Variants in RGS17 observed in about 807,000 individuals in gnomAD.
RGS17 encodes the protein regulator of G-protein signaling 17.
In RGS17, 12 loss-of-function variants were observed where a neutral mutation model predicts 25.5. The ratio of observed to expected loss-of-function variants is 0.47; its 90% CI spans 0.30 to 0.76. RGS17 has a LOEUF of 0.76. Among genes scored for constraint, RGS17 ranks in the 30% least tolerant of loss-of-function variants. RGS17 has a pLI of 0.07. For missense variants in RGS17, 196 were observed against 242.2 expected (o/e 0.81, Z 1.27); for synonymous variants, 71 against 76.9 (o/e 0.92, Z 0.40).
intron 1 of RGS17, among the ~76,000 whole-genome samples, chr6:153,085,038 T>A (rs1376014025): frequency 6.6e-6 from 1 of 152,216 alleles, no homozygotes; most frequent in African/African-American, 2.4e-5. Flanking sequence ...GCTTTAAAAC[T>A]GTGTTTTAAT....
At chr6:153,101,074 G>A (rs1034898309) in intron 1 of RGS17, among the ~76,000 whole-genome samples, 1 of 152,060 alleles carries the variant, frequency 6.6e-6, no homozygotes, top group African/African-American at 2.4e-5. Context: ...TTTGGCTATC[G>A]TATTGCTTTT....
chr6:153,078,271 T>C (rs1324299734), intron 1 of RGS17, among the ~76,000 whole-genome samples: 1 of 152,200 alleles, frequency 6.6e-6, no homozygotes, highest in Non-Finnish European at 1.5e-5. Context: ...ATGCTTTGCA[T>C]TTCTGTATAC....
Position 153,011,301 on chromosome 6 carries a change from T to C in RGS17, c.*273A>G. ...AGTCTCTGGAGATACACGAGGAGACTGTTCATAGGACTACAAATACACTTT... is the reference window on the plus strand; with the variant it reads ...AGTCTCTGGAGATACACGAGGAGACCGTTCATAGGACTACAAATACACTTT... On this transcript the variant is annotated 3_prime_UTR_variant, in exon 5 of 5. Transcript: ENST00000206262. The C allele has an allele frequency of 2.9e-6, 1 of 343,490 alleles. No individual in the cohort carries two copies. Among genetic ancestry groups the C allele is most frequent in the Non-Finnish European group, 5.3e-6 (1 of 189,996 alleles). The allele number at this position is 343,490 out of a possible 1,614,324, so 21.3% of individuals were successfully genotyped here. A position where few individuals can be genotyped will look rare whatever the true frequency, so the allele number is the denominator to read the frequency against.
rs569826675 is a variant in RGS17 at position 153,098,902 on chromosome 6, T to G, written c.-26+32222A>C. Among the ~76,000 whole-genome samples the G allele has an allele frequency of 7.0e-4, 107 of 152,128 alleles. 1 individual carries two copies. Among genetic ancestry groups the G allele is most frequent in the African/African-American group, 2.5e-3 (103 of 41,502 alleles). On this transcript the variant is annotated intron_variant, in intron 1 of 4. Transcript: ENST00000206262. ...AACTACACCTGGTGCATTGATGGAG[T>G]AAAAGAGAAGGAACCGACAAAAATA...
At chr6:153,012,133 G>A (rs1159440728) in intron 4 of RGS17, among the ~76,000 whole-genome samples, 4 of 152,158 alleles carry the variant, frequency 2.6e-5, no homozygotes, top group Non-Finnish European at 5.9e-5. Context: ...GGGGGAGGTT[G>A]GCAATATTGA....
At chr6:153,092,734 T>C (rs1242896521) in intron 1 of RGS17, among the ~76,000 whole-genome samples, 1 of 152,214 alleles carries the variant, frequency 6.6e-6, no homozygotes, top group Non-Finnish European at 1.5e-5. Flanking sequence ...TGTGAATGTT[T>C]TGGAATTATA....
chr6:153,052,372 A>C (rs545729318), intron 1 of RGS17, among the ~76,000 whole-genome samples: 268 of 151,640 alleles, frequency 1.8e-3, no homozygotes, highest in Non-Finnish European at 1.8e-3. Context: ...AAAAGCTATC[A>C]CTCTTTTCTT....
intron 4 of RGS17, among the ~76,000 whole-genome samples, chr6:153,022,550 G>A (rs1405298738): frequency 6.6e-6 from 1 of 152,102 alleles, no homozygotes; most frequent in African/African-American, 2.4e-5. Flanking sequence ...AAGTAATCTA[G>A]ACAACTATCA....
intron 1 of RGS17, among the ~76,000 whole-genome samples, chr6:153,090,198 C>T (rs1375050650): frequency 1.1e-4 from 17 of 152,090 alleles, no homozygotes; most frequent in Admixed American, 1.1e-3. Flanking sequence ...TTCTTGGTTA[C>T]TGAAGGTGTT....
At chr6:153,043,333 C>G (rs970577392) in intron 2 of RGS17, among the ~76,000 whole-genome samples, 1 of 152,184 alleles carries the variant, frequency 6.6e-6, no homozygotes, top group Non-Finnish European at 1.5e-5. Context: ...ATTCCAAGCA[C>G]AGCCACTGAC....
At chr6:153,037,982 A>G (rs1285102838) in intron 2 of RGS17, among the ~76,000 whole-genome samples, 1 of 152,168 alleles carries the variant, frequency 6.6e-6, no homozygotes, top group African/African-American at 2.4e-5. Flanking sequence ...AGCCATGGCC[A>G]TGGGTATGAA....
chr6:153,073,471 T>C (rs910051129), intron 1 of RGS17, among the ~76,000 whole-genome samples: 5 of 152,074 alleles, frequency 3.3e-5, no homozygotes, highest in African/African-American at 1.2e-4. Context: ...GCAGTCAAAC[T>C]TAGAGTGTTT....
chr6:153,016,141 G>A (rs570154620), intron 4 of RGS17, among the ~76,000 whole-genome samples: 2 of 152,254 alleles, frequency 1.3e-5, no homozygotes, highest in African/African-American at 4.8e-5. Context: ...TTCTGGAAAT[G>A]AATTGTTCAG....
At chr6:153,043,146 T>A (rs952868498) in intron 2 of RGS17, among the ~76,000 whole-genome samples, 1 of 152,194 alleles carries the variant, frequency 6.6e-6, no homozygotes, top group African/African-American at 2.4e-5. Flanking sequence ...CAGCACTAGA[T>A]GGCACCTTGG....
intron 1 of RGS17, among the ~76,000 whole-genome samples, chr6:153,096,215 TCA>T (rs1420839479): frequency 3.9e-5 from 6 of 152,096 alleles, no homozygotes; most frequent in African/African-American, 1.2e-4. Flanking sequence ...AGATACATCA[TCA>T]TCTGCAAGGG....
chr6:153,102,136 C>G (rs988041410), intron 1 of RGS17, among the ~76,000 whole-genome samples: 1 of 152,302 alleles, frequency 6.6e-6, no homozygotes, highest in Admixed American at 6.5e-5. Context: ...AGCCTTATCA[C>G]TTAACTCAGT....
chr6:153,041,558 G>A (rs543309945), intron 2 of RGS17, among the ~76,000 whole-genome samples: 1 of 151,998 alleles, frequency 6.6e-6, no homozygotes, highest in East Asian at 1.9e-4. Context: ...TTATATGGCA[G>A]CTAATACATA....
chr6:153,019,747 A>T (rs1403262244), intron 4 of RGS17, among the ~76,000 whole-genome samples: 1 of 152,162 alleles, frequency 6.6e-6, no homozygotes, highest in Non-Finnish European at 1.5e-5. Flanking sequence ...TGATGCCAGC[A>T]CCTTGCTTCC....
rs1252088233 is a variant in RGS17 at position 153,007,722 on chromosome 6, GCC to G, written c.*3850_*3851del. 1 of 152,080 alleles carries G rather than the reference GCC, an allele frequency of 6.6e-6. No individual in the cohort carries two copies. The allele number at this position is 152,080 out of a possible 1,614,324, so 9.4% of individuals were successfully genotyped here. On this transcript the variant is annotated 3_prime_UTR_variant, in exon 5 of 5. Coordinates refer to ENST00000206262, the MANE Select transcript of RGS17 (RefSeq NM_012419.5). The stretch of plus-strand genomic sequence containing the variant: ...TTCTCCTGCCTCAGCCTCTCAAGTA[GCC>G]GGGATTAAAGGCACCCACCACCATG...
Sources: gnomAD v4.1 joint callset for allele counts (sites outside exome capture counted in the v4.1 genomes callset) on GRCh38, gnomAD v4.1.1 for gene constraint, MANE v1.5 for transcripts, NCBI Gene and HGNC (gene_info 2026-07-23, HGNC 2026-07-21) for gene names.